The following UNC13B variants were observed in gnomAD, a reference collection of about 807,000 sequenced individuals.
UNC13B encodes the protein protein unc-13 homolog B.
Under a neutral mutation model 211.0 loss-of-function variants are expected in UNC13B, and 144 were observed. The observed-to-expected ratio is 0.68, with a 90% confidence interval of 0.60 to 0.78. The LOEUF is 0.78. Among genes scored for constraint, UNC13B ranks in the 30% least tolerant of loss-of-function variants. UNC13B has a pLI of 0.00. For synonymous variants in UNC13B, 709 were observed against 725.8 expected (o/e 0.98, Z 0.37); for missense variants, 1,777 against 2,002.0 (o/e 0.89, Z 2.14).
intron 7 of UNC13B, among the ~76,000 whole-genome samples, chr9:35,273,311 G>GGTA (rs1383161953): frequency 6.6e-6 from 1 of 152,138 alleles, no homozygotes; most frequent in Non-Finnish European, 1.5e-5. Flanking sequence ...ATATCCAAAA[G>GGTA]AGGCATGTTT....
At chr9:35,178,319 G>A (rs530654720) in intron 1 of UNC13B, among the ~76,000 whole-genome samples, 1 of 152,178 alleles carries the variant, frequency 6.6e-6, no homozygotes, top group East Asian at 1.9e-4. Flanking sequence ...AGACTAGTCT[G>A]GGCAACATGG....
At chr9:35,262,633 T>A (rs1312596033) in intron 7 of UNC13B, among the ~76,000 whole-genome samples, 1 of 151,876 alleles carries the variant, frequency 6.6e-6, no homozygotes, top group African/African-American at 2.4e-5. Flanking sequence ...TTCTTTAATA[T>A]AATAAAAAAA....
intron 7 of UNC13B, among the ~76,000 whole-genome samples, chr9:35,289,633 C>CAT (rs930682787): frequency 6.6e-6 from 1 of 152,124 alleles, no homozygotes; most frequent in African/African-American, 2.4e-5. Context: ...TTCTCAAGAT[C>CAT]ATATAGCTAG....
At chr9:35,327,603 C>T (rs755421227) in intron 11 of UNC13B, among the ~76,000 whole-genome samples, 1 of 152,170 alleles carries the variant, frequency 6.6e-6, no homozygotes, top group African/African-American at 2.4e-5. Flanking sequence ...TTAGATTGTG[C>T]CCACCCACAT....
At chr9:35,235,440 C>CCCCCG (rs1327900198) in intron 3 of UNC13B, among the ~76,000 whole-genome samples, 1 of 152,018 alleles carries the variant, frequency 6.6e-6, no homozygotes, top group East Asian at 1.9e-4. Context: ...TCATAAATCC[C>CCCCCG]CCCCGCCCCG....
intron 11 of UNC13B, among the ~76,000 whole-genome samples, chr9:35,346,178 A>G (rs1832345320): frequency 6.6e-6 from 1 of 152,162 alleles, no homozygotes; most frequent in Non-Finnish European, 1.5e-5. Context: ...TAGCCATACA[A>G]CATAATTGAT....
chr9:35,296,047 C>A, intron 8 of UNC13B, 117 bp downstream of exon 8: 1 of 867,896 alleles, frequency 1.2e-6, no homozygotes, highest in Non-Finnish European at 1.8e-6. Flanking sequence ...GCAGTATCAC[C>A]GGCCAAACTA....
At chr9:35,382,917 C>A (rs1449648289) in intron 21 of UNC13B, among the ~76,000 whole-genome samples, 1 of 152,152 alleles carries the variant, frequency 6.6e-6, no homozygotes, top group Non-Finnish European at 1.5e-5. Flanking sequence ...GCTTAAAATT[C>A]AGATAGCTAC....
At position 35,218,433 on chromosome 9, in the gene UNC13B, T is replaced by C. The variant is rs373536404; in HGVS notation, c.23-9582T>C. ...CTGATCTGATTCATACAGCTCAATATATTTATTTATTAATTTTGAGACAGG... is the reference window on the plus strand; with the variant it reads ...CTGATCTGATTCATACAGCTCAATACATTTATTTATTAATTTTGAGACAGG... On this transcript the variant is annotated intron_variant, in intron 1 of 39. Transcript: ENST00000635942. Among the ~76,000 whole-genome samples the C allele has an allele frequency of 7.7e-4, 117 of 152,222 alleles. 2 individuals are homozygous for C. The South Asian group carries it at 0.019, about 25-fold the overall frequency.
At chr9:35,400,062 C>T (rs1836188636) in intron 36 of UNC13B, among the ~76,000 whole-genome samples, 1 of 152,144 alleles carries the variant, frequency 6.6e-6, no homozygotes, top group Admixed American at 6.5e-5. Flanking sequence ...ATTTCTGTGC[C>T]TGTCCAGAAA....
chr9:35,242,595 C>A lies in UNC13B; in HGVS notation c.395-696C>A, dbSNP rs547848295. Among the ~76,000 whole-genome samples, 22 of 152,210 alleles carry A rather than the reference C, an allele frequency of 1.4e-4. No homozygotes were observed. The South Asian group carries it at 2.3e-3, about 16-fold the overall frequency. ...TAGTGTAATGTCCTCAAAGTTTATC[C>A]ATGTTATGGCATGTGGCAGGATTTT... On this transcript the variant is annotated intron_variant, in intron 5 of 39. Transcript: ENST00000635942.
At chr9:35,279,664 T>C (rs1828375816) in intron 7 of UNC13B, among the ~76,000 whole-genome samples, 1 of 152,242 alleles carries the variant, frequency 6.6e-6, no homozygotes, top group South Asian at 2.1e-4. Context: ...TGAATATATC[T>C]GTTGGATGAA....
chr9:35,260,058 A>AAAAAAC (rs1827181480), intron 7 of UNC13B, among the ~76,000 whole-genome samples: 1 of 149,812 alleles, frequency 6.7e-6, no homozygotes, highest in East Asian at 1.9e-4. Context: ...AAAAAAAAAA[A>AAAAAAC]AAAAAACCAA....
At chr9:35,324,270 A>T (rs1209257205) in intron 11 of UNC13B, among the ~76,000 whole-genome samples, 1 of 152,214 alleles carries the variant, frequency 6.6e-6, no homozygotes, top group Non-Finnish European at 1.5e-5. Context: ...AATAGGTATC[A>T]TATTATACAC....
chr9:35,228,513 T>C (rs924963291), intron 2 of UNC13B, among the ~76,000 whole-genome samples: 2 of 150,216 alleles, frequency 1.3e-5, no homozygotes, highest in African/African-American at 4.9e-5. Flanking sequence ...CAGGCCCCAG[T>C]GTGTAGTGGA....
At chr9:35,399,098 G>T in intron 33 of UNC13B, 63 bp from the exon 34 acceptor site, 1 of 1,613,872 alleles carries the variant, frequency 6.2e-7, no homozygotes, top group Non-Finnish European at 8.5e-7. Flanking sequence ...GGGCAAGGGA[G>T]CCCCTTGGGG....
intron 1 of UNC13B, among the ~76,000 whole-genome samples, chr9:35,200,835 C>G (rs930733918): frequency 1.3e-5 from 2 of 152,186 alleles, no homozygotes; most frequent in African/African-American, 4.8e-5. Flanking sequence ...ATTTCTTTCT[C>G]TTGCCTGATT....
At chr9:35,264,318 TTAATAA>T (rs926494353) in intron 7 of UNC13B, among the ~76,000 whole-genome samples, 5 of 152,018 alleles carry the variant, frequency 3.3e-5, no homozygotes, top group East Asian at 1.9e-4. Flanking sequence ...ATAGAAGCAG[TTAATAA>T]TAATAATAAG....
chr9:35,295,419 A>T (rs1437040108), intron 7 of UNC13B, among the ~76,000 whole-genome samples: 2 of 152,302 alleles, frequency 1.3e-5, no homozygotes, highest in South Asian at 2.1e-4. Context: ...CAGAATTCCA[A>T]AGAATTCTAC....
Sources: gnomAD v4.1 joint callset for allele counts (sites outside exome capture counted in the v4.1 genomes callset) on GRCh38, gnomAD v4.1.1 for gene constraint, MANE v1.5 for transcripts, NCBI Gene and HGNC (gene_info 2026-07-23, HGNC 2026-07-21) for gene names.